GRHL2: variants seen among roughly 807,000 people sequenced by gnomAD.
GRHL2 encodes grainyhead like transcription factor 2, also known as grainyhead-like protein 2 homolog.
A neutral mutation model predicts 83.8 loss-of-function variants in GRHL2; 21 were observed. The ratio of observed to expected loss-of-function variants is 0.25; its 90% CI spans 0.18 to 0.36. The LOEUF is 0.36. GRHL2 is among the 10% of genes least tolerant of loss of function. The pLI is 1.00. For missense variants in GRHL2, 623 were observed against 781.8 expected (o/e 0.80, Z 2.42); for synonymous variants, 280 against 278.9 (o/e 1.00, Z -0.04).
intron 11 of GRHL2, among the ~76,000 whole-genome samples, chr8:101,634,602 C>G (rs1189476362): frequency 2.0e-5 from 3 of 152,196 alleles, no homozygotes; most frequent in Non-Finnish European, 4.4e-5. Flanking sequence ...TCAGAAACCG[C>G]CGCAGTCCTG....
intron 1 of GRHL2, among the ~76,000 whole-genome samples, chr8:101,519,177 C>T (rs73701918): frequency 6.3e-4 from 95 of 151,380 alleles, no homozygotes; most frequent in African/African-American, 2.1e-3. Context: ...ATCACTTTTT[C>T]TTCATTGATT....
At chr8:101,521,313 A>G (rs551989805) in intron 1 of GRHL2, among the ~76,000 whole-genome samples, 1 of 152,298 alleles carries the variant, frequency 6.6e-6, no homozygotes, top group Non-Finnish European at 1.5e-5. Context: ...CCTACCACAC[A>G]TGATCGCTGG....
intron 2 of GRHL2, among the ~76,000 whole-genome samples, chr8:101,546,160 G>A (rs965397466): frequency 3.9e-5 from 6 of 152,050 alleles, no homozygotes; most frequent in Admixed American, 6.6e-5. Flanking sequence ...GATTATAGGC[G>A]TAAGCCACCG....
In GRHL2 at chr8:101,598,489, C is replaced by T. The variant is rs575713795; in HGVS notation, c.1004-568C>T. On this transcript the variant is annotated intron_variant, in intron 7 of 15. Transcript: ENST00000646743. ...TCCTGACCTCAGGTAATCCTCCTAC[C>T]TCGGCCTCCCAAAGTTCTGGGATTA... Among the ~76,000 whole-genome samples, 23 of 152,038 alleles carry T rather than the reference C, an allele frequency of 1.5e-4. No homozygotes were observed. The South Asian group carries it at 4.2e-3, about 27-fold the overall frequency.
chr8:101,546,735 G>A (rs747098454), intron 2 of GRHL2, among the ~76,000 whole-genome samples: 10 of 152,076 alleles, frequency 6.6e-5, no homozygotes, highest in Non-Finnish European at 1.2e-4. Context: ...ATTTATGAAG[G>A]CAATATATTT....
chr8:101,580,163 C>CT (rs1032326700), intron 7 of GRHL2, among the ~76,000 whole-genome samples: 3 of 151,660 alleles, frequency 2.0e-5, no homozygotes, highest in Non-Finnish European at 4.4e-5. Flanking sequence ...AGCAAGGGTT[C>CT]TTTTTTTTAA....
intron 4 of GRHL2, among the ~76,000 whole-genome samples, chr8:101,568,099 T>G (rs1347556710): frequency 2.0e-5 from 3 of 152,258 alleles, no homozygotes; most frequent in Non-Finnish European, 2.9e-5. Context: ...TGGAAATTTT[T>G]TTTAATACTA....
intron 2 of GRHL2, chr8:101,543,880 T>A: frequency 4.6e-6 from 1 of 217,032 alleles, no homozygotes; most frequent in Non-Finnish European, 9.2e-6. Flanking sequence ...TCCACATGGC[T>A]GGGGAGGCCT....
Position 101,506,996 on chromosome 8 carries a change from GA to G in GRHL2, c.20+14208del, listed in dbSNP as rs753987076. ...GAGGAGAGGGAACTTGGCTGAGGGGGACTTTGGGGCTGAGATCCAGCTGTGC... is the reference window on the plus strand; with the variant it reads ...GAGGAGAGGGAACTTGGCTGAGGGGGCTTTGGGGCTGAGATCCAGCTGTGC... On this transcript the variant is annotated intron_variant, in intron 1 of 15. Coordinates refer to ENST00000646743, the MANE Select transcript of GRHL2 (RefSeq NM_024915.4). Among the ~76,000 whole-genome samples the G allele has an allele frequency of 3.3e-5, 5 of 152,284 alleles. No individual in the cohort carries two copies. In the East Asian group the frequency reaches 7.7e-4, roughly 23 times the overall value.
intron 7 of GRHL2, among the ~76,000 whole-genome samples, chr8:101,594,889 T>A (rs1391359493): frequency 6.6e-6 from 1 of 152,170 alleles, no homozygotes; most frequent in East Asian, 1.9e-4. Context: ...TGAGAAATGT[T>A]GGTGATAAAT....
intron 1 of GRHL2, chr8:101,529,040 C>T (rs749194085): frequency 2.6e-6 from 1 of 384,540 alleles, no homozygotes; most frequent in East Asian, 9.0e-5. Context: ...ACTTTCTTCT[C>T]TGCTTCCACG....
At chr8:101,606,208 A>G (rs1812630014) in intron 8 of GRHL2, among the ~76,000 whole-genome samples, 1 of 152,228 alleles carries the variant, frequency 6.6e-6, no homozygotes, top group Non-Finnish European at 1.5e-5. Flanking sequence ...CTACTTACAC[A>G]TAAGCCAATG....
downstream of GRHL2, among the ~76,000 whole-genome samples, chr8:101,671,410 T>C (rs1052924242): frequency 6.6e-6 from 1 of 152,156 alleles, no homozygotes; most frequent in Admixed American, 6.6e-5. Flanking sequence ...GTCTCGCTGA[T>C]TGCTAGCACA....
chr8:101,671,234 G>A (rs563569083), downstream of GRHL2, among the ~76,000 whole-genome samples: 22 of 152,322 alleles, frequency 1.4e-4, no homozygotes, highest in South Asian at 1.0e-3. Context: ...TGCCTCACTC[G>A]GGAAGCGCAA....
At chr8:101,630,940 G>T (rs1813174149) in intron 9 of GRHL2, among the ~76,000 whole-genome samples, 1 of 152,182 alleles carries the variant, frequency 6.6e-6, no homozygotes, top group Non-Finnish European at 1.5e-5. Flanking sequence ...TGGTTAAGTA[G>T]GGTGCGATTT....
chr8:101,659,862 T>C (rs777809286), intron 14 of GRHL2, among the ~76,000 whole-genome samples: 4 of 152,224 alleles, frequency 2.6e-5, no homozygotes, highest in Non-Finnish European at 4.4e-5. Flanking sequence ...GGAAACTTTC[T>C]AGTGTTCATT....
At chr8:101,611,475 TG>T (rs1057464311) in intron 8 of GRHL2, among the ~76,000 whole-genome samples, 1 of 150,808 alleles carries the variant, frequency 6.6e-6, no homozygotes, top group Non-Finnish European at 1.5e-5. Context: ...CCCCGCTGCT[TG>T]GACAGCTGCC....
rs1307572264 is a variant in GRHL2, at chr8:101,612,516, GATAGATACATAC to G, written c.1099-7019_1099-7008del. 9.2e-3 allele frequency among the ~76,000 whole-genome samples: 735 copies of G among 79,784 alleles called. 10 individuals carry two copies. The highest frequency in any genetic ancestry group is 0.025 in the South Asian group (68 of 2,686). 52.3% of individuals were successfully genotyped at this position (79,784 alleles called of 152,430 possible). ...AGATAGATAGATAGATAGATAGATA[GATAGATACATAC>G]ATACATACATACATACATACATACA... On this transcript the variant is annotated intron_variant, in intron 8 of 15. Transcript: ENST00000646743.
chr8:101,520,911 T>G (rs1023410594), intron 1 of GRHL2, among the ~76,000 whole-genome samples: 1 of 152,164 alleles, frequency 6.6e-6, no homozygotes, highest in Admixed American at 6.5e-5. Flanking sequence ...AAATTCCTCC[T>G]CCTTCTGCAA....
Sources: allele counts gnomAD v4.1 joint callset (sites outside exome capture counted in the v4.1 genomes callset), GRCh38; gene constraint gnomAD v4.1.1; transcripts MANE v1.5; gene names NCBI Gene and HGNC (gene_info 2026-07-23, HGNC 2026-07-21).